SEMA3D: variants seen among roughly 807,000 people sequenced by gnomAD.
SEMA3D encodes semaphorin 3D, also known as semaphorin-3D.
SEMA3D carries 84 observed loss-of-function variants against 100.1 expected under a neutral mutation model. That is an observed-to-expected ratio of 0.84 (90% confidence interval 0.70 to 1.01). The LOEUF (loss-of-function observed/expected upper bound fraction) is 1.01. Among genes scored for constraint, SEMA3D ranks in the 50% least tolerant of loss-of-function variants. The pLI, the probability that SEMA3D is intolerant of heterozygous loss-of-function variation, is 0.00. For missense variants in SEMA3D, 875 were observed against 934.1 expected, an observed-to-expected ratio of 0.94 and a Z score of 0.82; for synonymous variants, 312 against 320.7, an observed-to-expected ratio of 0.97 and a Z score of 0.29.
the SEMA3D span, among the ~76,000 whole-genome samples, chr7:85,242,441 T>C: frequency 2.0e-5 from 3 of 152,314 alleles, no homozygotes; most frequent in South Asian, 6.2e-4. Context: ...ATGCTCTGTG[T>C]GCTATAGAAA....
chr7:85,004,673 G>A lies in SEMA3D; in HGVS notation c.1908+2129C>T, dbSNP rs553410250. 3.3e-5 allele frequency among the ~76,000 whole-genome samples: 5 copies of A among 152,138 alleles called. No individual in the cohort carries two copies. In the South Asian group the frequency reaches 8.3e-4, roughly 25 times the overall value. ...TCCCTCCCGCAGGCTGTTTTTGAGTGGAGGAAAGATTCCAAACTGTGACCT... is the reference window on the plus strand; with the variant it reads ...TCCCTCCCGCAGGCTGTTTTTGAGTAGAGGAAAGATTCCAAACTGTGACCT... On this transcript the variant is annotated intron_variant, in intron 18 of 18. Transcript: ENST00000284136.
At chr7:85,001,961 T>G (rs1228672504) in intron 18 of SEMA3D, among the ~76,000 whole-genome samples, 1 of 152,154 alleles carries the variant, frequency 6.6e-6, no homozygotes, top group Non-Finnish European at 1.5e-5. Context: ...AATGTGGCTT[T>G]TAGAGATTAT....
chr7:85,029,971 T>C (rs1790500175), intron 12 of SEMA3D, among the ~76,000 whole-genome samples: 1 of 151,710 alleles, frequency 6.6e-6, no homozygotes, highest in East Asian at 1.9e-4. Flanking sequence ...AACCACAACC[T>C]CCACCCCTGA....
In SEMA3D at chr7:85,079,611, GA is replaced by G. The variant is rs143219186; in HGVS notation, c.375+1905del. On this transcript the variant is annotated intron_variant, in intron 5 of 18. Transcript: ENST00000284136. ...AAGTTACTATGTAACTGGAATTAGT[GA>G]ACATACCCAAGTGAGAGCACTGTCA... Among the ~76,000 whole-genome samples the G allele has an allele frequency of 8.7e-3, 1,328 of 152,296 alleles. 27 individuals carry two copies. The highest frequency in any genetic ancestry group is 0.03 in the African/African-American group (1,252 of 41,552).
intron 2 of SEMA3D, among the ~76,000 whole-genome samples, chr7:85,128,892 T>TC (rs1211023196): frequency 6.9e-6 from 1 of 145,690 alleles, no homozygotes; most frequent in Non-Finnish European, 1.5e-5. Context: ...TCCTTTTTTT[T>TC]TTTTTTTTTT....
chr7:85,061,325 G>A (rs1207203153), intron 8 of SEMA3D, among the ~76,000 whole-genome samples: 2 of 152,052 alleles, frequency 1.3e-5, no homozygotes, highest in Non-Finnish European at 2.9e-5. Context: ...TTCTGAGAAG[G>A]ATCCTTGCAC....
chr7:85,013,940 C>T (rs1790027034), intron 16 of SEMA3D, among the ~76,000 whole-genome samples: 1 of 151,628 alleles, frequency 6.6e-6, no homozygotes, highest in Admixed American at 6.6e-5. Flanking sequence ...GAAAGCATTC[C>T]CCAAAGACTA....
chr7:85,188,643 T>C (rs2534869), upstream of SEMA3D, among the ~76,000 whole-genome samples: 960 of 152,334 alleles, frequency 6.3e-3, 4 homozygotes, highest in Admixed American at 9.5e-3. Flanking sequence ...AAAATCTCTA[T>C]TTTTAAACTT....
Position 85,088,901 on chromosome 7 carries a change from C to T in SEMA3D, c.313-7322G>A, listed in dbSNP as rs112969230. Among the ~76,000 whole-genome samples, 1,029 of 152,204 alleles carry T rather than the reference C, an allele frequency of 6.8e-3. 11 individuals are homozygous for T. The highest frequency in any genetic ancestry group is 0.024 in the African/African-American group (982 of 41,524). On this transcript the variant is annotated intron_variant, in intron 4 of 18. Transcript: ENST00000284136. The stretch of plus-strand genomic sequence containing the variant: ...AATTGTCTTTCCCTTTCCCTTTTCC[C>T]GACTCAGCTCAGAAGCCTCGCTTGC...
At chr7:85,096,981 G>C (rs1428694821) in intron 4 of SEMA3D, among the ~76,000 whole-genome samples, 1 of 151,670 alleles carries the variant, frequency 6.6e-6, no homozygotes, top group East Asian at 1.9e-4. Context: ...TGACAAAGAT[G>C]GGTTAAAAAG....
Position 85,138,510 on chromosome 7 carries a change from A to G in SEMA3D, c.-41+15098T>C, listed in dbSNP as rs1250044332. ...TTTTTTTGTTTTGCTTTTTGATTAT[A>G]TAAAACATTTACATAACTCAAATAT... On this transcript the variant is annotated intron_variant, in intron 2 of 18. Coordinates refer to ENST00000284136, the MANE Select transcript of SEMA3D (RefSeq NM_001384900.1). 2.0e-5 allele frequency among the ~76,000 whole-genome samples: 3 copies of G among 151,120 alleles called. No homozygotes were observed. The East Asian group carries it at 5.8e-4, about 29-fold the overall frequency.
intron 4 of SEMA3D, among the ~76,000 whole-genome samples, chr7:85,086,671 C>T (rs1237531159): frequency 6.9e-6 from 1 of 144,644 alleles, no homozygotes; most frequent in Non-Finnish European, 1.5e-5. Context: ...TGTATAGATG[C>T]ATGTGGAGGG....
At chr7:85,018,781 T>C (rs1790175495) in intron 14 of SEMA3D, among the ~76,000 whole-genome samples, 1 of 151,722 alleles carries the variant, frequency 6.6e-6, no homozygotes, top group South Asian at 2.1e-4. Context: ...ACAATACTGG[T>C]GCACATGATT....
At chr7:85,032,917 C>T (rs1350310591) in intron 12 of SEMA3D, among the ~76,000 whole-genome samples, 1 of 151,842 alleles carries the variant, frequency 6.6e-6, no homozygotes, top group Non-Finnish European at 1.5e-5. Context: ...CTGATTACAG[C>T]CTTAATAGGG....
chr7:85,018,403 CTG>C (rs1790164499), intron 14 of SEMA3D, 110 bp from the exon 15 acceptor site: 3 of 699,078 alleles, frequency 4.3e-6, no homozygotes, highest in Non-Finnish European at 7.6e-6. Flanking sequence ...CATCAAGTCT[CTG>C]TTACATAAGG....
chr7:85,073,115 C>T (rs1791822233), intron 5 of SEMA3D, 34 bp from the exon 6 acceptor site: 1 of 1,601,038 alleles, frequency 6.2e-7, no homozygotes, highest in South Asian at 1.1e-5. Context: ...CATTAACACA[C>T]AATTCAGGTT....
intron 3 of SEMA3D, 111 bp downstream of exon 3, chr7:85,121,630 C>T (rs541506606): frequency 4.9e-6 from 3 of 609,054 alleles, no homozygotes; most frequent in African/African-American, 3.9e-5. Flanking sequence ...TGAACTGATG[C>T]CAAAACATTT....
chr7:85,028,296 C>G lies in SEMA3D; in HGVS notation c.1192-5683G>C, dbSNP rs1790447173. 8 of 697,484 alleles carry G rather than the reference C, an allele frequency of 1.1e-5. No individual in the cohort carries two copies. In the South Asian group the frequency reaches 1.1e-4, roughly 10 times the overall value. 43.2% of individuals were successfully genotyped at this position (697,484 alleles called of 1,614,324 possible). A position where few individuals can be genotyped will look rare whatever the true frequency, so the allele number is the denominator to read the frequency against. On this transcript the variant is annotated intron_variant, in intron 12 of 18. Coordinates refer to ENST00000284136, the MANE Select transcript of SEMA3D (RefSeq NM_001384900.1). ...ACTTGAATGACTCTCAGCATCAGGG[C>G]TATCAAAGATGCTGGAACTATTGCT...
intron 4 of SEMA3D, among the ~76,000 whole-genome samples, chr7:85,093,665 T>C (rs981395066): frequency 2.6e-5 from 4 of 152,050 alleles, no homozygotes; most frequent in African/African-American, 7.2e-5. Context: ...AAAAGTAATA[T>C]AGTGGTTTCT....
Sources: allele counts gnomAD v4.1 joint callset (sites outside exome capture counted in the v4.1 genomes callset), GRCh38; gene constraint gnomAD v4.1.1; transcripts MANE v1.5; gene names NCBI Gene and HGNC (gene_info 2026-07-23, HGNC 2026-07-21).